Variants in PCGF2 observed in about 807,000 individuals in gnomAD.
The protein encoded by PCGF2 is polycomb group ring finger 2.
Under a neutral mutation model 36.1 loss-of-function variants are expected in PCGF2, and 8 were observed. The ratio of observed to expected loss-of-function variants is 0.22; its 90% CI spans 0.13 to 0.40. The LOEUF (loss-of-function observed/expected upper bound fraction) is 0.40, where lower values mean the gene tolerates loss of function less well. Among genes scored for constraint, PCGF2 ranks in the 10% least tolerant of loss-of-function variants. The probability of loss-of-function intolerance (pLI) is 1.00; values close to 1 mark genes in which losing one functional copy is unlikely to be tolerated. For missense variants in PCGF2, 436 were observed against 475.9 expected, an observed-to-expected ratio of 0.92 and a Z score of 0.78; for synonymous variants, 198 against 191.2, an observed-to-expected ratio of 1.04 and a Z score of -0.29.
intron 2 of PCGF2, among the ~76,000 whole-genome samples, chr17:38,743,664 A>C (rs1021296524): frequency 6.6e-6 from 1 of 151,888 alleles, no homozygotes; most frequent in African/African-American, 2.4e-5. Context: ...GGGTGGGGAG[A>C]AGCACTGATT....
rs1567941146 is a variant in PCGF2, at chr17:38,739,471, A to C, written c.209+115T>G. 1 of 956,556 alleles carries C rather than the reference A, an allele frequency of 1.0e-6. No individual in the cohort carries two copies. Among genetic ancestry groups the C allele is most frequent in the Non-Finnish European group, 1.7e-6 (1 of 590,332 alleles). The allele number at this position is 956,556 out of a possible 1,614,324, so 59.3% of individuals were successfully genotyped here. Reference sequence around the variant, plus strand: ...AGGTCGGGGAGTAGCCCAGGTCCACACCCCATGCTTCTCCTACACCTGCCG... The same window carrying C: ...AGGTCGGGGAGTAGCCCAGGTCCACCCCCCATGCTTCTCCTACACCTGCCG... On this transcript the variant is annotated intron_variant, in intron 4 of 10. Coordinates refer to ENST00000620225, the MANE Select transcript of PCGF2 (RefSeq NM_007144.3). The surrounding 1 kb of genome is among the most constrained non-coding windows in gnomAD (Gnocchi z 4.0).
At position 38,745,003 on chromosome 17, in the gene PCGF2, A is replaced by G. The variant is rs560251430; in HGVS notation, c.-41+2876T>C. Among the ~76,000 whole-genome samples the G allele has an allele frequency of 8.5e-5, 13 of 152,324 alleles. No individual in the cohort carries two copies. The South Asian group carries it at 1.9e-3, about 22-fold the overall frequency. ...GCCAAGGCGGATGGATCATGAGGTC[A>G]GGAGTTCAAAACCAGGCTGGCAAAG... is the stretch of plus-strand genomic sequence containing the variant. On this transcript the variant is annotated intron_variant, in intron 2 of 10. Transcript: ENST00000620225.
At chr17:38,744,157 GGT>G (rs1322530455) in intron 2 of PCGF2, among the ~76,000 whole-genome samples, 1 of 152,142 alleles carries the variant, frequency 6.6e-6, no homozygotes, top group Non-Finnish European at 1.5e-5. Flanking sequence ...TCTTTGCAAG[GGT>G]GTGTGTGACC....
intron 2 of PCGF2, among the ~76,000 whole-genome samples, chr17:38,747,519 G>A (rs1907611845): frequency 6.6e-6 from 1 of 152,164 alleles, no homozygotes; most frequent in Non-Finnish European, 1.5e-5. Flanking sequence ...GCGGGGCCCC[G>A]GGAGGGGTGT....
At chr17:38,740,914 A>G (rs1044603137) in intron 2 of PCGF2, among the ~76,000 whole-genome samples, 1 of 151,746 alleles carries the variant, frequency 6.6e-6, no homozygotes, top group African/African-American at 2.4e-5. Flanking sequence ...CTTTCTGGCC[A>G]CCTCTGAGAG....
chr17:38,741,739 C>A (rs1907213637), intron 2 of PCGF2, among the ~76,000 whole-genome samples: 2 of 152,164 alleles, frequency 1.3e-5, no homozygotes, highest in African/African-American at 4.8e-5. Context: ...AGGGTCCTTA[C>A]ATGCCTGAAG....
rs200254543 is a variant in PCGF2 at position 38,738,604 on chromosome 17, G to A, written c.426-9C>T. On this transcript the variant is annotated splice_polypyrimidine_tract_variant and intron_variant, in intron 7 of 10. Coordinates refer to ENST00000620225, the MANE Select transcript of PCGF2 (RefSeq NM_007144.3). ...TCTTCTCGTCCCGGTCCCTGGGGAC[G>A]GAGAAAGAATGAAGCTAGGAAGACC... The A allele has an allele frequency of 5.9e-5, 92 of 1,567,434 alleles. No individual in the cohort carries two copies. The highest frequency in any genetic ancestry group is 7.3e-5 in the Non-Finnish European group (85 of 1,158,200).
chr17:38,745,071 G>A (rs1164303052), intron 2 of PCGF2, among the ~76,000 whole-genome samples: 3 of 152,110 alleles, frequency 2.0e-5, no homozygotes, highest in African/African-American at 2.4e-5. Context: ...GGTGGCTCAC[G>A]TCCGTAATCC....
At chr17:38,736,789 G>A (rs954377718) in intron 9 of PCGF2, among the ~76,000 whole-genome samples, 10 of 152,162 alleles carry the variant, frequency 6.6e-5, no homozygotes, top group African/African-American at 2.4e-4. Flanking sequence ...AGCGGAGATA[G>A]TGCCCCTGAA....
intron 2 of PCGF2, among the ~76,000 whole-genome samples, chr17:38,743,858 A>G (rs912641663): frequency 4.6e-5 from 7 of 152,156 alleles, no homozygotes; most frequent in Non-Finnish European, 1.0e-4. Flanking sequence ...TGCTGTGAGA[A>G]GGTGAGGGAA....
Position 38,739,796 on chromosome 17 carries a change from C to T in PCGF2, c.113-114G>A. ...CCTCCTCCTCCACCCTGTCCCTGCT[C>T]CGAGGCCCAATGTGGCGATGTGTGT... On this transcript the variant is annotated intron_variant, in intron 3 of 10. Coordinates refer to ENST00000620225, the MANE Select transcript of PCGF2 (RefSeq NM_007144.3). This position sits in a 1 kb window ranked among gnomAD's most constrained non-coding sequence, Gnocchi z 4.0. 5.1e-6 allele frequency: 4 copies of T among 785,224 alleles called. No individual in the cohort carries two copies. The highest frequency in any genetic ancestry group is 2.5e-5 in the East Asian group (1 of 40,016). The allele number at this position is 785,224 out of a possible 1,614,324, so 48.6% of individuals were successfully genotyped here. A position where few individuals can be genotyped will look rare whatever the true frequency, so the allele number is the denominator to read the frequency against.
chr17:38,737,823 A>G (rs1410359125), intron 9 of PCGF2, among the ~76,000 whole-genome samples: 1 of 151,690 alleles, frequency 6.6e-6, no homozygotes, highest in Non-Finnish European at 1.5e-5. Context: ...GAGGCAGGAG[A>G]ATCGCTTGAA....
chr17:38,740,579 GA>G lies in PCGF2; in HGVS notation c.-40-138del, dbSNP rs67811050. ...TTGAGACCATCTTGACTAACATGGT[GA>G]AACCCCATCTCTACTAAAAATACGG... is the stretch of plus-strand genomic sequence containing the variant. On this transcript the variant is annotated intron_variant, in intron 2 of 10. Coordinates refer to ENST00000620225, the MANE Select transcript of PCGF2 (RefSeq NM_007144.3). 49 of 594,682 alleles carry G rather than the reference GA, an allele frequency of 8.2e-5. No individual in the cohort carries two copies. In the African/African-American group the frequency reaches 8.6e-4, roughly 10 times the overall value. 36.8% of individuals were successfully genotyped at this position (594,682 alleles called of 1,614,324 possible).
chr17:38,738,561 C>T lies in PCGF2; in HGVS notation c.460G>A (p.Gly154Arg). 6.3e-7 allele frequency: 1 copy of T among 1,593,020 alleles called. No homozygotes were observed. The highest frequency in any genetic ancestry group is 8.6e-7 in the Non-Finnish European group (1 of 1,168,052). The change falls in exon 8 of 11, where the codon GGG (glycine) becomes AGG (arginine). Residue 154 changes from glycine (G) to arginine (R), a missense_variant. Around this residue, in one of 3 missense-constraint regions of PCGF2, gnomAD observed 189 missense variants for 219.3 expected, o/e 0.86. Coordinates refer to ENST00000620225, the MANE Select transcript of PCGF2 (RefSeq NM_007144.3). ...CTCACTTTCTCTTTGTCCCCATCCCCATTCTCCAGGGGGCCCTTCTTCTCG... is the reference window on the plus strand; with the variant it reads ...CTCACTTTCTCTTTGTCCCCATCCCTATTCTCCAGGGGGCCCTTCTTCTCG... ...RDEKKGPLEN[G>R]DGDKEKTGVR...
At chr17:38,741,444 AC>A (rs1338913724) in intron 2 of PCGF2, among the ~76,000 whole-genome samples, 2 of 151,768 alleles carry the variant, frequency 1.3e-5, no homozygotes, top group South Asian at 4.2e-4. Flanking sequence ...CAACCCCTCC[AC>A]CCAGGTGCAG....
At chr17:38,749,762 C>A (rs1394636857), upstream of PCGF2, 1 of 453,644 alleles carries the variant, frequency 2.2e-6, no homozygotes, top group South Asian at 1.5e-5. This position sits in a 1 kb window ranked among gnomAD's most constrained non-coding sequence, Gnocchi z 6.5. Context: ...TGGCCGGCGA[C>A]CAGGAGACCT....
chr17:38,748,623 C>T (rs1171190310), upstream of PCGF2, among the ~76,000 whole-genome samples: 1 of 152,122 alleles, frequency 6.6e-6, no homozygotes, highest in Non-Finnish European at 1.5e-5. Flanking sequence ...TCTTATGTTA[C>T]CTTCCGCAGT....
Position 38,738,847 on chromosome 17 carries a change from T to C in PCGF2, c.331A>G (p.Asn111Asp), listed in dbSNP as rs1906971410. 1 of 1,613,562 alleles carries C rather than the reference T, an allele frequency of 6.2e-7. No homozygotes were observed. Among genetic ancestry groups the C allele is most frequent in the Admixed American group, 1.7e-5 (1 of 59,992 alleles). The change falls in exon 7 of 11, where the codon AAT becomes GAT. Residue 111 changes from asparagine (N) to aspartate (D), a missense_variant. Asn to Asp is a conservative substitution (Grantham distance 23). Coordinates refer to ENST00000620225, the MANE Select transcript of PCGF2 (RefSeq NM_007144.3). ...TCCAAGACCTCGCCGCGGTCCTCAT[T>C]GGAGCCGTTGGGGACTGCAGAAGGA... Reference protein sequence around the residue: ...YPLTEVPNGSNEDRGEVLEQE... With the variant: ...YPLTEVPNGSDEDRGEVLEQE...
chr17:38,738,977 CGGA>C (rs1310325371), intron 6 of PCGF2, 88 bp downstream of exon 6: 7 of 1,541,992 alleles, frequency 4.5e-6, no homozygotes, highest in African/African-American at 2.7e-5. Context: ...GAGGTGTGCG[CGGA>C]GGAGGTCAGA....
Sources: gnomAD v4.1 joint callset for allele counts (sites outside exome capture counted in the v4.1 genomes callset) on GRCh38, gnomAD v4.1.1 for gene constraint, gnomAD v4.1.1 regional missense constraint, Gnocchi (gnomAD v3.1) non-coding constraint, MANE v1.5 for transcripts, NCBI Gene and HGNC (gene_info 2026-07-23, HGNC 2026-07-21) for gene names.